The following IRAK3 variants were observed in gnomAD, a reference collection of about 807,000 sequenced individuals.
IRAK3 encodes the protein interleukin-1 receptor-associated kinase 3.
IRAK3 carries 57 observed loss-of-function variants against 56.6 expected under a neutral mutation model. The observed-to-expected ratio is 1.01, with a 90% confidence interval of 0.81 to 1.26. IRAK3 has a LOEUF of 1.26. IRAK3 is among the 50% of genes most tolerant of loss of function. The probability of loss-of-function intolerance (pLI) is 0.00; values close to 1 mark genes in which losing one functional copy is unlikely to be tolerated. For synonymous variants in IRAK3, 258 were observed against 255.7 expected, an observed-to-expected ratio of 1.01 and a Z score of -0.09; for missense variants, 703 against 719.0, an observed-to-expected ratio of 0.98 and a Z score of 0.25.
intron 2 of IRAK3, among the ~76,000 whole-genome samples, chr12:66,207,251 G>A (rs899361016): frequency 1.3e-5 from 2 of 152,102 alleles, no homozygotes; most frequent in African/African-American, 4.8e-5. Flanking sequence ...CAGGCAGATT[G>A]CCTGAGCTGA....
intron 6 of IRAK3, among the ~76,000 whole-genome samples, chr12:66,218,501 A>G (rs2052699589): frequency 6.6e-6 from 1 of 152,224 alleles, no homozygotes; most frequent in African/African-American, 2.4e-5. Flanking sequence ...TATAAGTTAT[A>G]CCAATTTACT....
At chr12:66,202,504 G>T (rs191878093) in intron 1 of IRAK3, among the ~76,000 whole-genome samples, 24 of 152,270 alleles carry the variant, frequency 1.6e-4, no homozygotes, top group African/African-American at 4.8e-4. Context: ...TGCCGTGGTA[G>T]TTCTCACATG....
At chr12:66,198,749 C>CT (rs377740348) in intron 1 of IRAK3, among the ~76,000 whole-genome samples, 2,143 of 139,532 alleles carry the variant, frequency 0.015, 22 homozygotes, top group African/African-American at 0.028. Flanking sequence ...TTTCCTTCTC[C>CT]TTTTTTTTTT....
intron 8 of IRAK3, 65 bp from the exon 9 acceptor site, chr12:66,244,419 GTA>G: frequency 8.7e-7 from 1 of 1,152,046 alleles, no homozygotes; most frequent in South Asian, 1.2e-5. Context: ...TGAGTTTATA[GTA>G]TGTTTGTTTA....
In IRAK3 at chr12:66,248,473, T is replaced by A; in HGVS notation, c.*302T>A. On this transcript the variant is annotated 3_prime_UTR_variant, in exon 12 of 12. Coordinates refer to ENST00000261233, the MANE Select transcript of IRAK3 (RefSeq NM_007199.3). ...TCAGCCAAACAAAACAATCAAAACC[T>A]ACCAAAAAGGGACTGGATTGTAATG... The A allele has an allele frequency of 3.8e-6, 1 of 263,730 alleles. No individual in the cohort carries two copies. The highest frequency in any genetic ancestry group is 7.3e-6 in the Non-Finnish European group (1 of 136,470). 16.3% of individuals were successfully genotyped at this position (263,730 alleles called of 1,614,324 possible).
At chr12:66,204,117 G>C (rs142201873) in intron 2 of IRAK3, among the ~76,000 whole-genome samples, 1 of 151,954 alleles carries the variant, frequency 6.6e-6, no homozygotes, top group Non-Finnish European at 1.5e-5. Flanking sequence ...TCACTTTATA[G>C]TTTTGTTTTT....
chr12:66,194,227 T>C (rs1419506995), intron 1 of IRAK3, among the ~76,000 whole-genome samples: 2 of 152,180 alleles, frequency 1.3e-5, no homozygotes, highest in Non-Finnish European at 2.9e-5. Flanking sequence ...TTTTGACCAC[T>C]GTGTTATTTC....
Position 66,254,300 on chromosome 12 carries a change from T to TACAAAAAATTAGCCGGGC in IRAK3, c.*6129_*6130insACAAAAAATTAGCCGGGC, listed in dbSNP as rs2053132344. ...AACTGAAACATCCTTCAGTAAAAGA[T>TACAAAAAATTAGCCGGGC]GGATTAAATAAATTCCATGCAGTTG... On this transcript the variant is annotated 3_prime_UTR_variant, in exon 12 of 12. Coordinates refer to ENST00000261233, the MANE Select transcript of IRAK3 (RefSeq NM_007199.3). 6.6e-6 allele frequency: 1 copy of TACAAAAAATTAGCCGGGC among 152,184 alleles called. No homozygotes were observed. The highest frequency in any genetic ancestry group is 2.4e-5 in the African/African-American group (1 of 41,442). The allele number at this position is 152,184 out of a possible 1,614,324, so 9.4% of individuals were successfully genotyped here. A position where few individuals can be genotyped will look rare whatever the true frequency, so the allele number is the denominator to read the frequency against.
At position 66,235,018 on chromosome 12, in the gene IRAK3, G is replaced by T; in HGVS notation, c.887+6648G>T. 2.5e-6 allele frequency: 4 copies of T among 1,613,488 alleles called. No individual in the cohort carries two copies. In the Admixed American group the frequency reaches 6.7e-5, roughly 27 times the overall value. Reference sequence around the variant, plus strand: ...TGTTCGTTGTCTTATGCAAAATTGCGTTTGTGGAGACTATTTTCCCATATG... The same window carrying T: ...TGTTCGTTGTCTTATGCAAAATTGCTTTTGTGGAGACTATTTTCCCATATG... On this transcript the variant is annotated intron_variant, in intron 8 of 11. Transcript: ENST00000261233.
At chr12:66,203,634 AACATT>A (rs1418050161) in intron 1 of IRAK3, 72 bp from the exon 2 acceptor site, 4 of 1,268,094 alleles carry the variant, frequency 3.2e-6, no homozygotes, top group Non-Finnish European at 4.6e-6. Context: ...GAGGAAATAA[AACATT>A]AGGTACACAA....
chr12:66,231,028 C>T (rs1207753620), intron 8 of IRAK3, among the ~76,000 whole-genome samples: 2 of 152,200 alleles, frequency 1.3e-5, no homozygotes, highest in African/African-American at 2.4e-5. Context: ...AAAGAGCACA[C>T]ACATCTTCAG....
At chr12:66,226,208 A>G (rs945801151) in intron 6 of IRAK3, among the ~76,000 whole-genome samples, 9 of 152,116 alleles carry the variant, frequency 5.9e-5, no homozygotes, top group Admixed American at 1.3e-4. Context: ...GATTACAGTC[A>G]ACCAAAAGCA....
intron 8 of IRAK3, among the ~76,000 whole-genome samples, chr12:66,229,764 C>A (rs772886504): frequency 2.6e-5 from 4 of 152,174 alleles, no homozygotes; most frequent in Non-Finnish European, 4.4e-5. Context: ...CACCCACAAC[C>A]TAAAACAATC....
intron 11 of IRAK3, among the ~76,000 whole-genome samples, chr12:66,246,731 T>C (rs1407338345): frequency 6.6e-6 from 1 of 152,230 alleles, no homozygotes; most frequent in Non-Finnish European, 1.5e-5. Flanking sequence ...TGAGATAATA[T>C]ATGTGAAAGC....
At chr12:66,231,367 T>C (rs1421895002) in intron 8 of IRAK3, among the ~76,000 whole-genome samples, 1 of 152,040 alleles carries the variant, frequency 6.6e-6, no homozygotes, top group Non-Finnish European at 1.5e-5. Context: ...AAAAAAAGTG[T>C]TTATTAAATA....
chr12:66,206,774 G>A (rs1203110480), intron 2 of IRAK3, among the ~76,000 whole-genome samples: 1 of 152,218 alleles, frequency 6.6e-6, no homozygotes, highest in Non-Finnish European at 1.5e-5. Flanking sequence ...GGAAGAATTT[G>A]TGAAGGACTG....
At chr12:66,202,013 CAG>C (rs955987912) in intron 1 of IRAK3, among the ~76,000 whole-genome samples, 12 of 152,148 alleles carry the variant, frequency 7.9e-5, no homozygotes, top group African/African-American at 2.9e-4. Flanking sequence ...GTGTGTCTCA[CAG>C]GGGTATGGGT....
At chr12:66,210,044 T>C (rs2052596288) in intron 3 of IRAK3, 103 bp from the exon 4 acceptor site, 3 of 758,354 alleles carry the variant, frequency 4.0e-6, no homozygotes, top group Admixed American at 2.1e-5. Context: ...GGTTGCACTC[T>C]GTTGCACTGC....
At chr12:66,246,126 C>T (rs2053031022) in intron 11 of IRAK3, among the ~76,000 whole-genome samples, 1 of 152,026 alleles carries the variant, frequency 6.6e-6, no homozygotes, top group African/African-American at 2.4e-5. Flanking sequence ...AGAATACACA[C>T]CAGCCCATGG....
Sources: gnomAD v4.1 joint callset for allele counts (sites outside exome capture counted in the v4.1 genomes callset) on GRCh38, gnomAD v4.1.1 for gene constraint, MANE v1.5 for transcripts, NCBI Gene and HGNC (gene_info 2026-07-23, HGNC 2026-07-21) for gene names.